Variants in PLPP5 observed in about 807,000 individuals in gnomAD.
PLPP5 encodes the protein diacylglycerol pyrophosphate like 1.
In PLPP5, 29 loss-of-function variants were observed where a neutral mutation model predicts 23.6. The observed-to-expected ratio is 1.23, with a 90% confidence interval of 0.92 to 1.68. The LOEUF (loss-of-function observed/expected upper bound fraction) is 1.68. PLPP5 is among the 40% of genes most tolerant of loss of function. The pLI is 0.00. For missense variants in PLPP5, 315 were observed against 332.1 expected, an observed-to-expected ratio of 0.95 and a Z score of 0.40; for synonymous variants, 143 against 131.3, an observed-to-expected ratio of 1.09 and a Z score of -0.61.
At chr8:38,267,043 A>G (rs578213624) in intron 5 of PLPP5, 245 of 1,416,582 alleles carry the variant, frequency 1.7e-4, no homozygotes, top group Non-Finnish European at 2.2e-4. Flanking sequence ...TAATATAACA[A>G]TTAAATGTGC....
chr8:38,269,053 C>G, intron 1 of PLPP5, 63 bp from the exon 2 acceptor site: 9 of 1,525,524 alleles, frequency 5.9e-6, no homozygotes, highest in Non-Finnish European at 7.9e-6. Flanking sequence ...CCCCACTGCC[C>G]GACCCGCCGC....
In PLPP5 at chr8:38,268,975, G is replaced by A. The variant is rs367998025; in HGVS notation, c.90C>T (p.Leu30=). 6.4e-7 allele frequency: 1 copy of A among 1,572,224 alleles called. No individual in the cohort carries two copies. The change falls in exon 2 of 7, where the codon CTC becomes CTT. Residue 30 remains leucine (L), a synonymous_variant. Transcript: ENST00000424479. ...GCTGGATGAGTCTCTGGAACGGGGG[G>A]AGCAGCTCCGTCACCCTAGAGGGGA... is the stretch of plus-strand genomic sequence containing the variant. The part of the protein sequence containing the change: ...LFAAFLVTEL[L]PPFQRLIQPE...
Position 38,263,937 on chromosome 8 carries a change from A to C in PLPP5, c.*507T>G. On this transcript the variant is annotated 3_prime_UTR_variant, in exon 7 of 7. Transcript: ENST00000424479. ...TTGGACACCTTTGAAAGATCCTTTT[A>C]CTAGAACATGTGGCATACAGTAGTG... The C allele has an allele frequency of 4.1e-6, 4 of 985,320 alleles. No individual in the cohort carries two copies. The highest frequency in any genetic ancestry group is 4.8e-6 in the Non-Finnish European group (4 of 829,826). The allele number at this position is 985,320 out of a possible 1,614,324, so 61.0% of individuals were successfully genotyped here. A position where few individuals can be genotyped will look rare whatever the true frequency, so the allele number is the denominator to read the frequency against.
chr8:38,266,382 G>T, intron 5 of PLPP5, 71 bp from the exon 6 acceptor site: 1 of 1,343,944 alleles, frequency 7.4e-7, no homozygotes, highest in Non-Finnish European at 1.0e-6. Context: ...CACATAGGAG[G>T]CTAGGAAGCA....
Position 38,263,461 on chromosome 8 carries a change from G to A in PLPP5, c.*983C>T. ...CACAAGTACAGTTATGGTCAAATGA[G>A]GTAGAAACAGTCATCTGTTAGTAGT... On this transcript the variant is annotated 3_prime_UTR_variant, in exon 7 of 7. Transcript: ENST00000424479. The A allele has an allele frequency of 1.0e-6, 1 of 985,188 alleles. No homozygotes were observed. Among genetic ancestry groups the A allele is most frequent in the South Asian group, 4.7e-5 (1 of 21,282 alleles). 61.0% of individuals were successfully genotyped at this position (985,188 alleles called of 1,614,324 possible). A position where few individuals can be genotyped will look rare whatever the true frequency, so the allele number is the denominator to read the frequency against.
In PLPP5 at chr8:38,268,431, T is replaced by C. The variant is rs1209015410; in HGVS notation, c.214A>G (p.Ile72Val). 1.9e-6 allele frequency: 3 copies of C among 1,575,172 alleles called. No individual in the cohort carries two copies. The highest frequency in any genetic ancestry group is 2.6e-6 in the Non-Finnish European group (3 of 1,160,252). Residue 72 changes from isoleucine to valine, a missense_variant, in exon 3 of 7, where the codon ATC (isoleucine) becomes GTC (valine). By Grantham distance (29) the Ile-to-Val change is conservative (BLOSUM62 3). Coordinates refer to ENST00000424479, the MANE Select transcript of PLPP5 (RefSeq NM_001102559.2). ...VIAFLSPLSL[I>V]FLAKFLKKAD... Reference sequence around the variant, plus strand: ...TTCTTGAGAAATTTGGCCAGGAAGATCAGAGACAGTGGAGAGAGAAATGCA... The same window carrying C: ...TTCTTGAGAAATTTGGCCAGGAAGACCAGAGACAGTGGAGAGAGAAATGCA...
At chr8:38,266,532 C>T in intron 5 of PLPP5, 2 of 462,726 alleles carry the variant, frequency 4.3e-6, no homozygotes, top group South Asian at 5.1e-5. Flanking sequence ...TCCCGAGTAG[C>T]TGGGACTCCA....
chr8:38,268,296 C>A, intron 3 of PLPP5, 75 bp downstream of exon 3: 1 of 1,343,956 alleles, frequency 7.4e-7, no homozygotes, highest in South Asian at 1.3e-5. Flanking sequence ...CACACAGGCT[C>A]ACCGTGGCTG....
intron 6 of PLPP5, chr8:38,264,894 GTAAC>G: frequency 1.2e-6 from 2 of 1,612,568 alleles, no homozygotes; most frequent in Non-Finnish European, 1.7e-6. Flanking sequence ...ACTCAGAAGA[GTAAC>G]AAAGGTCCAC....
chr8:38,268,169 A>G, intron 3 of PLPP5: 2 of 1,255,778 alleles, frequency 1.6e-6, no homozygotes, highest in Non-Finnish European at 2.1e-6. Flanking sequence ...CAAATAACCC[A>G]GTGCATTTAG....
At position 38,264,360 on chromosome 8, in the gene PLPP5, T is replaced by G. The variant is rs1465413099; in HGVS notation, c.*84A>C. 1 of 1,133,554 alleles carries G rather than the reference T, an allele frequency of 8.8e-7. No individual in the cohort carries two copies. The highest frequency in any genetic ancestry group is 1.2e-6 in the Non-Finnish European group (1 of 827,914). 70.2% of individuals were successfully genotyped at this position (1,133,554 alleles called of 1,614,324 possible). A position where few individuals can be genotyped will look rare whatever the true frequency, so the allele number is the denominator to read the frequency against. On this transcript the variant is annotated 3_prime_UTR_variant, in exon 7 of 7. Coordinates refer to ENST00000424479, the MANE Select transcript of PLPP5 (RefSeq NM_001102559.2). The stretch of plus-strand genomic sequence containing the variant: ...TTCACCATGTTGGCCAGGCTGGTCC[T>G]GACCTCAGGTGATCCACCCTCCTCA...
Position 38,267,970 on chromosome 8 carries a change from A to G in PLPP5, c.275-10T>C. 1 of 1,614,026 alleles carries G rather than the reference A, an allele frequency of 6.2e-7. No homozygotes were observed. On this transcript the variant is annotated splice_polypyrimidine_tract_variant and intron_variant, in intron 3 of 6. Coordinates refer to ENST00000424479, the MANE Select transcript of PLPP5 (RefSeq NM_001102559.2). Reference sequence around the variant, plus strand: ...AGGGCAAGGCTGGCAGCTGCAAAGCAAAGCCATTAGTTGAAAGGATCTGTC... The same window carrying G: ...AGGGCAAGGCTGGCAGCTGCAAAGCGAAGCCATTAGTTGAAAGGATCTGTC...
Position 38,268,893 on chromosome 8 carries a change from T to G in PLPP5, c.172A>C (p.Lys58Gln). ...CTTTCTCCACGCACAAACATCGGCT[T>G]GGTGGGGAAATACTCCGCCTCCACG... is the stretch of plus-strand genomic sequence containing the variant. ...PYVEAEYFPT[K>Q]PMFVIAFLSP... Residue 58 changes from lysine (K) to glutamine (Q), a missense_variant, in exon 2 of 7, where the codon AAG becomes CAG. Coordinates refer to ENST00000424479, the MANE Select transcript of PLPP5 (RefSeq NM_001102559.2). 1.9e-6 allele frequency: 3 copies of G among 1,552,564 alleles called. No individual in the cohort carries two copies. Among genetic ancestry groups the G allele is most frequent in the Non-Finnish European group, 2.6e-6 (3 of 1,152,872 alleles).
rs1807188853 is a variant in PLPP5 at position 38,263,399 on chromosome 8, G to C, written c.*1045C>G. 9 of 985,264 alleles carry C rather than the reference G, an allele frequency of 9.1e-6. No homozygotes were observed. Among genetic ancestry groups the C allele is most frequent in the Non-Finnish European group, 1.1e-5 (9 of 829,928 alleles). 61.0% of individuals were successfully genotyped at this position (985,264 alleles called of 1,614,324 possible). On this transcript the variant is annotated 3_prime_UTR_variant, in exon 7 of 7. Transcript: ENST00000424479. ...GTCACTTGGCAGTGTTGGTGCATTTGAGCAGATCTTCAGTCATGAATGGAA... is the reference window on the plus strand; with the variant it reads ...GTCACTTGGCAGTGTTGGTGCATTTCAGCAGATCTTCAGTCATGAATGGAA...
At chr8:38,267,837 C>T in intron 4 of PLPP5, 60 bp downstream of exon 4, 3 of 1,507,012 alleles carry the variant, frequency 2.0e-6, no homozygotes, top group Non-Finnish European at 2.8e-6. Context: ...CCATTAACCT[C>T]TCTGTTCTGG....
In PLPP5 at chr8:38,263,663, T is replaced by C; in HGVS notation, c.*781A>G. ...GATTCGACATTTTCCTATTTAAGGC[T>C]TGATGGAATTGTCATCAGAGAAGGT... On this transcript the variant is annotated 3_prime_UTR_variant, in exon 7 of 7. Coordinates refer to ENST00000424479, the MANE Select transcript of PLPP5 (RefSeq NM_001102559.2). 2 of 985,438 alleles carry C rather than the reference T, an allele frequency of 2.0e-6. No individual in the cohort carries two copies. The highest frequency in any genetic ancestry group is 9.4e-5 in the South Asian group (2 of 21,294). 61.0% of individuals were successfully genotyped at this position (985,438 alleles called of 1,614,324 possible).
At chr8:38,264,841 A>G in intron 6 of PLPP5, 2 of 1,594,142 alleles carry the variant, frequency 1.3e-6, no homozygotes, top group Non-Finnish European at 1.7e-6. Flanking sequence ...TTAAGTAAGT[A>G]TAATAAGCTT....
At position 38,263,257 on chromosome 8, in the gene PLPP5, G is replaced by T; in HGVS notation, c.*1187C>A. The T allele has an allele frequency of 3.1e-6, 1 of 321,758 alleles. No individual in the cohort carries two copies. Among genetic ancestry groups the T allele is most frequent in the Non-Finnish European group, 4.5e-6 (1 of 223,352 alleles). The allele number at this position is 321,758 out of a possible 1,614,324, so 19.9% of individuals were successfully genotyped here. ...GAGAAAGGGAGCTGTAGGTCCTATG[G>T]CATCCATTCTGATGACATCCCATAA... is the stretch of plus-strand genomic sequence containing the variant. On this transcript the variant is annotated 3_prime_UTR_variant, in exon 7 of 7. Transcript: ENST00000424479.
intron 6 of PLPP5, chr8:38,265,689 A>G (rs1807483803): frequency 6.6e-6 from 1 of 152,498 alleles, no homozygotes; most frequent in South Asian, 2.1e-4. Context: ...CAGCCTCCCA[A>G]AGTGCTGAGG....
Sources: gnomAD v4.1 joint callset for allele counts on GRCh38, gnomAD v4.1.1 for gene constraint, MANE v1.5 for transcripts, NCBI Gene and HGNC (gene_info 2026-07-23, HGNC 2026-07-21) for gene names.